Variants in GOLGA5 observed in about 807,000 individuals in gnomAD.
The protein encoded by GOLGA5 is golgin subfamily A member 5.
Under a neutral mutation model 93.5 loss-of-function variants are expected in GOLGA5, and 50 were observed. That is an observed-to-expected ratio of 0.53 (90% confidence interval 0.43 to 0.68). The LOEUF is 0.68. GOLGA5 is among the 30% of genes least tolerant of loss of function. The pLI, the probability that GOLGA5 is intolerant of heterozygous loss-of-function variation, is 0.00. For missense variants in GOLGA5, 760 were observed against 856.4 expected, an observed-to-expected ratio of 0.89 and a Z score of 1.40; for synonymous variants, 312 against 304.5, an observed-to-expected ratio of 1.02 and a Z score of -0.26.
chr14:92,823,053 A>G (rs1885347761), intron 8 of GOLGA5, among the ~76,000 whole-genome samples: 1 of 152,184 alleles, frequency 6.6e-6, no homozygotes, highest in Non-Finnish European at 1.5e-5. Flanking sequence ...AATTATAAAG[A>G]AATTTGCCTC....
chr14:92,802,751 A>G (rs1884900755), intron 2 of GOLGA5, among the ~76,000 whole-genome samples: 3 of 151,220 alleles, frequency 2.0e-5, no homozygotes, highest in African/African-American at 7.3e-5. Flanking sequence ...TAATAAATCA[A>G]TTTATTTATT....
intron 1 of GOLGA5, among the ~76,000 whole-genome samples, chr14:92,796,539 C>T (rs1488121197): frequency 6.6e-6 from 1 of 152,094 alleles, no homozygotes; most frequent in Non-Finnish European, 1.5e-5. Flanking sequence ...TTAGGGGCCA[C>T]CCTGACGACT....
At chr14:92,820,639 C>A (rs1391524409) in intron 8 of GOLGA5, among the ~76,000 whole-genome samples, 3 of 152,198 alleles carry the variant, frequency 2.0e-5, no homozygotes, top group Non-Finnish European at 4.4e-5. Context: ...GGGGAGAAAC[C>A]TTGGACAATA....
At chr14:92,821,691 C>G (rs114525940) in intron 8 of GOLGA5, among the ~76,000 whole-genome samples, 2,708 of 152,160 alleles carry the variant, frequency 0.018, 71 homozygotes, top group African/African-American at 0.058. Flanking sequence ...GAAACTTGTT[C>G]TTTTCTCAGA....
At chr14:92,825,870 A>AAC (rs1196317545) in intron 9 of GOLGA5, among the ~76,000 whole-genome samples, 11 of 150,994 alleles carry the variant, frequency 7.3e-5, no homozygotes, top group African/African-American at 2.4e-4. Context: ...AAAAAAAGAA[A>AAC]AAACAACCAT....
chr14:92,829,087 C>T (rs1243025616), intron 9 of GOLGA5, among the ~76,000 whole-genome samples: 1 of 152,176 alleles, frequency 6.6e-6, no homozygotes, highest in Non-Finnish European at 1.5e-5. Flanking sequence ...ACTTCAGCTT[C>T]CCAAGTGGCT....
Position 92,797,602 on chromosome 14 carries a change from G to A in GOLGA5, c.165G>A (p.Gln55=). ...AGCAAAATACAGATTTGATATATCA[G>A]ACTGGACCTAAATCTACGTATATTT... is the stretch of plus-strand genomic sequence containing the variant. ...LHQQNTDLIY[Q]TGPKSTYISS... Residue 55 remains glutamine, a synonymous_variant, in exon 2 of 13, where the codon CAG becomes CAA. Coordinates refer to ENST00000163416, the MANE Select transcript of GOLGA5 (RefSeq NM_005113.4). 7 of 1,613,548 alleles carry A rather than the reference G, an allele frequency of 4.3e-6. No individual in the cohort carries two copies. Among genetic ancestry groups the A allele is most frequent in the Non-Finnish European group, 5.9e-6 (7 of 1,179,514 alleles).
intron 3 of GOLGA5, among the ~76,000 whole-genome samples, chr14:92,808,470 C>T (rs1340599046): frequency 1.3e-5 from 2 of 151,866 alleles, no homozygotes; most frequent in African/African-American, 4.8e-5. Context: ...CCCTGGGCTA[C>T]AAAAATCAAT....
intron 6 of GOLGA5, among the ~76,000 whole-genome samples, chr14:92,812,469 G>A (rs1204822889): frequency 6.6e-6 from 1 of 152,112 alleles, no homozygotes; most frequent in Non-Finnish European, 1.5e-5. Flanking sequence ...TTAGCTTTGT[G>A]ACCACTTTGC....
chr14:92,804,861 T>C (rs942782171), intron 2 of GOLGA5, among the ~76,000 whole-genome samples: 3 of 151,824 alleles, frequency 2.0e-5, no homozygotes, highest in Admixed American at 6.6e-5. Flanking sequence ...TTGGCCAGGC[T>C]GGTCTCAAAC....
At chr14:92,797,166 T>A (rs186258616) in intron 1 of GOLGA5, among the ~76,000 whole-genome samples, 1 of 152,248 alleles carries the variant, frequency 6.6e-6, no homozygotes, top group Non-Finnish European at 1.5e-5. Flanking sequence ...CCAAGCATTT[T>A]GCAAAGTGTT....
intron 12 of GOLGA5, among the ~76,000 whole-genome samples, chr14:92,838,953 CA>C (rs916936220): frequency 3.4e-4 from 52 of 152,272 alleles, no homozygotes; most frequent in African/African-American, 1.1e-3. Context: ...TCTGAAACGA[CA>C]CATTATTTCT....
At chr14:92,838,391 T>C (rs996605205) in intron 12 of GOLGA5, among the ~76,000 whole-genome samples, 1 of 151,940 alleles carries the variant, frequency 6.6e-6, no homozygotes, top group Non-Finnish European at 1.5e-5. Flanking sequence ...TTTCTGAGAC[T>C]GAGTCTCGCT....
chr14:92,825,365 TAA>T (rs781640768), intron 9 of GOLGA5, among the ~76,000 whole-genome samples: 6 of 152,222 alleles, frequency 3.9e-5, no homozygotes, highest in Non-Finnish European at 5.9e-5. Context: ...TTAATTTTTA[TAA>T]GAGTTGAGAA....
At chr14:92,837,474 A>G in intron 12 of GOLGA5, 25 bp downstream of exon 12, 2 of 961,520 alleles carry the variant, frequency 2.1e-6, no homozygotes, top group African/African-American at 1.7e-5. Context: ...TTGAAAAAAC[A>G]ATGATGCACT....
At chr14:92,814,454 C>G (rs1885163383) in intron 6 of GOLGA5, among the ~76,000 whole-genome samples, 1 of 152,052 alleles carries the variant, frequency 6.6e-6, no homozygotes, top group Non-Finnish European at 1.5e-5. Flanking sequence ...GACCTCTCAA[C>G]AGAGAGTTCC....
chr14:92,816,331 G>A lies in GOLGA5; in HGVS notation c.1401G>A (p.Glu467=), dbSNP rs756572911. 3 of 1,613,958 alleles carry A rather than the reference G, an allele frequency of 1.9e-6. No homozygotes were observed. The highest frequency in any genetic ancestry group is 2.5e-6 in the Non-Finnish European group (3 of 1,179,824). The part of the protein sequence containing the change: ...GLDSSTASSM[E]LEELRHEKEM... ...ATAGCAGCACTGCCAGTAGCATGGA[G>A]CTGGAAGAACTTCGGCATGAGAAAG... Residue 467 remains glutamate (E), a synonymous_variant, in exon 7 of 13, where the codon GAG becomes GAA. Coordinates refer to ENST00000163416, the MANE Select transcript of GOLGA5 (RefSeq NM_005113.4).
intron 1 of GOLGA5, among the ~76,000 whole-genome samples, chr14:92,796,311 G>A (rs926141656): frequency 1.3e-5 from 2 of 152,202 alleles, no homozygotes; most frequent in Non-Finnish European, 2.9e-5. Flanking sequence ...ATTTGCTGCT[G>A]TAGCAAAGTA....
At position 92,810,314 on chromosome 14, in the gene GOLGA5, G is replaced by C. The variant is rs554824244; in HGVS notation, c.1053G>C (p.Gln351His). The C allele has an allele frequency of 6.2e-7, 1 of 1,606,448 alleles. No individual in the cohort carries two copies. The highest frequency in any genetic ancestry group is 2.2e-5 in the East Asian group (1 of 44,726). ...AGAATCAAGCTCTGCAGACTTTTCA[G>C]GAGAGACTGCATGAAGCGGATGCCA... The part of the protein sequence containing the change: ...SLQNQALQTF[Q>H]ERLHEADATL... Residue 351 changes from glutamine (Q) to histidine (H), a missense_variant, in exon 5 of 13, where the codon CAG becomes CAC. Physicochemically the swap from Gln to His is conservative, Grantham distance 24. Coordinates refer to ENST00000163416, the MANE Select transcript of GOLGA5 (RefSeq NM_005113.4).
Sources: allele counts gnomAD v4.1 joint callset (sites outside exome capture counted in the v4.1 genomes callset), GRCh38; gene constraint gnomAD v4.1.1; transcripts MANE v1.5; gene names NCBI Gene and HGNC (gene_info 2026-07-23, HGNC 2026-07-21).